TMEM132D: variants seen among roughly 807,000 people sequenced by gnomAD.
TMEM132D encodes the protein mature OL transmembrane protein.
Under a neutral mutation model 62.3 loss-of-function variants are expected in TMEM132D, and 21 were observed. The ratio of observed to expected loss-of-function variants is 0.34; its 90% CI spans 0.24 to 0.49. TMEM132D has a LOEUF of 0.49. TMEM132D is among the 20% of genes least tolerant of loss of function. TMEM132D has a pLI of 0.99. For synonymous variants in TMEM132D, 621 were observed against 575.6 expected (o/e 1.08, Z -1.13); for missense variants, 1,346 against 1,402.8 (o/e 0.96, Z 0.65).
chr12:129,250,636 T>G (rs1361115969), intron 4 of TMEM132D, among the ~76,000 whole-genome samples: 1 of 152,192 alleles, frequency 6.6e-6, no homozygotes, highest in East Asian at 1.9e-4. Flanking sequence ...CAATGTGTGA[T>G]TCACTCATTT....
intron 1 of TMEM132D, among the ~76,000 whole-genome samples, chr12:129,710,642 T>C (rs562309504): frequency 6.6e-6 from 1 of 151,744 alleles, no homozygotes; most frequent in Middle Eastern, 3.4e-3. Context: ...CTTGCCTATT[T>C]ATTTTATCTA....
At chr12:129,443,070 C>T (rs1321766000) in intron 3 of TMEM132D, among the ~76,000 whole-genome samples, 3 of 152,120 alleles carry the variant, frequency 2.0e-5, no homozygotes, top group Non-Finnish European at 4.4e-5. Context: ...GAAGGGCCAG[C>T]CCACTCCAGA....
At chr12:129,303,771 C>T (rs1036945397) in intron 4 of TMEM132D, among the ~76,000 whole-genome samples, 16 of 151,988 alleles carry the variant, frequency 1.1e-4, no homozygotes, top group South Asian at 1.0e-3. Context: ...AAGCTGGGGA[C>T]CCAGGAAAGC....
chr12:129,826,234 G>T (rs1013612128), intron 1 of TMEM132D, among the ~76,000 whole-genome samples: 19 of 152,290 alleles, frequency 1.2e-4, no homozygotes, highest in South Asian at 6.2e-4. Context: ...GCCTCCATCG[G>T]CTTGAGTCCC....
chr12:129,419,724 G>T lies in TMEM132D; in HGVS notation c.1116-81907C>A, dbSNP rs148271367. Reference sequence around the variant, plus strand: ...TGTCTTTTGAATAAGTCTATATTGTGATGTCTTTACTGCATCTATAATTGA... The same window carrying T: ...TGTCTTTTGAATAAGTCTATATTGTTATGTCTTTACTGCATCTATAATTGA... On this transcript the variant is annotated intron_variant, in intron 3 of 8. Transcript: ENST00000422113. 2.7e-3 allele frequency among the ~76,000 whole-genome samples: 418 copies of T among 152,310 alleles called. 1 individual carries two copies. The highest frequency in any genetic ancestry group is 4.2e-3 in the Non-Finnish European group (286 of 68,024).
chr12:129,614,079 A>G (rs1203717381), intron 2 of TMEM132D, among the ~76,000 whole-genome samples: 1 of 137,828 alleles, frequency 7.3e-6, no homozygotes, highest in Non-Finnish European at 1.6e-5. Flanking sequence ...GACTGTCTCC[A>G]GGACCCAGGT....
intron 4 of TMEM132D, among the ~76,000 whole-genome samples, chr12:129,299,628 GTT>G (rs11394064): frequency 1.3e-4 from 18 of 136,928 alleles, no homozygotes; most frequent in Admixed American, 1.5e-4. Context: ...GAACAATCAG[GTT>G]TTTTTTTTTT....
At chr12:129,566,289 G>C (rs529588796) in intron 2 of TMEM132D, among the ~76,000 whole-genome samples, 2 of 152,116 alleles carry the variant, frequency 1.3e-5, no homozygotes, top group Admixed American at 6.6e-5. Flanking sequence ...TGGAAAACTG[G>C]TATCTGCTAC....
chr12:129,105,301 C>T (rs1326805618), intron 5 of TMEM132D, among the ~76,000 whole-genome samples: 1 of 144,326 alleles, frequency 6.9e-6, no homozygotes, highest in East Asian at 2.0e-4. Context: ...GAACAAAAAA[C>T]CAAACACCGC....
chr12:129,651,021 T>G (rs2137183035), intron 2 of TMEM132D, among the ~76,000 whole-genome samples: 1 of 152,322 alleles, frequency 6.6e-6, no homozygotes, highest in South Asian at 2.1e-4. Context: ...CAAAATATGT[T>G]ATAAGCATCT....
intron 2 of TMEM132D, among the ~76,000 whole-genome samples, chr12:129,609,654 T>C (rs551034584): frequency 2.0e-5 from 3 of 152,268 alleles, no homozygotes; most frequent in East Asian, 3.9e-4. Flanking sequence ...ACGTTGTTCA[T>C]GCTCTGGTCC....
chr12:129,461,835 G>A (rs1873687115), intron 3 of TMEM132D, among the ~76,000 whole-genome samples: 1 of 152,092 alleles, frequency 6.6e-6, no homozygotes, highest in Admixed American at 6.6e-5. Flanking sequence ...TAGAGAAATA[G>A]CCATATGGGT....
intron 3 of TMEM132D, among the ~76,000 whole-genome samples, chr12:129,432,193 G>A (rs1253646188): frequency 2.0e-5 from 3 of 150,976 alleles, no homozygotes; most frequent in Non-Finnish European, 4.4e-5. Context: ...ATGGATGGAT[G>A]GATGGATGGT....
At position 129,711,681 on chromosome 12, in the gene TMEM132D, C is replaced by T. The variant is rs377570228; in HGVS notation, c.80-10983G>A. 1.6e-4 allele frequency among the ~76,000 whole-genome samples: 23 copies of T among 146,224 alleles called. 1 individual carries two copies. Among genetic ancestry groups the T allele is most frequent in the African/African-American group, 4.1e-4 (16 of 39,188 alleles). ...AGTGGAGGTTGGAGTGAGCCGAGATCGCGCCATTGCACTCCAGCCTTGGCA... is the reference window on the plus strand; with the variant it reads ...AGTGGAGGTTGGAGTGAGCCGAGATTGCGCCATTGCACTCCAGCCTTGGCA... On this transcript the variant is annotated intron_variant, in intron 1 of 8. Transcript: ENST00000422113.
intron 4 of TMEM132D, among the ~76,000 whole-genome samples, chr12:129,328,228 T>G (rs968143199): frequency 6.6e-6 from 1 of 152,266 alleles, no homozygotes; most frequent in African/African-American, 2.4e-5. Flanking sequence ...TGAAATTATC[T>G]TGCTCAATTA....
intron 3 of TMEM132D, among the ~76,000 whole-genome samples, chr12:129,392,127 G>A (rs896518971): frequency 2.0e-5 from 3 of 151,240 alleles, no homozygotes; most frequent in Non-Finnish European, 4.4e-5. Context: ...GCACAATCTC[G>A]GCTCACCGCA....
intron 3 of TMEM132D, among the ~76,000 whole-genome samples, chr12:129,364,351 A>G (rs1870340473): frequency 6.6e-6 from 1 of 152,170 alleles, no homozygotes; most frequent in Admixed American, 6.5e-5. Flanking sequence ...TCATTCACGT[A>G]GTTCATGTGG....
At chr12:129,561,621 A>T (rs1877235605) in intron 2 of TMEM132D, among the ~76,000 whole-genome samples, 1 of 152,190 alleles carries the variant, frequency 6.6e-6, no homozygotes, top group Admixed American at 6.5e-5. Flanking sequence ...ACTCTTATTA[A>T]GGGCTGAGGT....
intron 3 of TMEM132D, among the ~76,000 whole-genome samples, chr12:129,342,428 G>T (rs984975289): frequency 1.3e-5 from 2 of 151,274 alleles, no homozygotes; most frequent in African/African-American, 4.9e-5. Flanking sequence ...ATTAATTCAA[G>T]ATGGATTAAA....
Sources: gnomAD v4.1 joint callset for allele counts (sites outside exome capture counted in the v4.1 genomes callset) on GRCh38, gnomAD v4.1.1 for gene constraint, MANE v1.5 for transcripts, NCBI Gene and HGNC (gene_info 2026-07-23, HGNC 2026-07-21) for gene names.